The following BLTP1 variants were observed in gnomAD, a reference collection of about 807,000 sequenced individuals.
BLTP1 encodes the protein bridge-like lipid transfer protein family member 1.
the BLTP1 span, chr4:122,164,353 G>A: frequency 1.6e-5 from 15 of 942,314 alleles, no homozygotes; most frequent in Admixed American, 1.8e-4. Flanking sequence ...AATATTACAC[G>A]CCAGTTGTAA....
At chr4:122,268,969 G>T in the BLTP1 span, 4 of 234,092 alleles carry the variant, frequency 1.7e-5, no homozygotes, top group Non-Finnish European at 2.8e-5. Context: ...GTAAGTCTTT[G>T]TTACAAATTT....
At chr4:122,157,703 G>A in the BLTP1 span, among the ~76,000 whole-genome samples, 1 of 152,132 alleles carries the variant, frequency 6.6e-6, no homozygotes, top group Non-Finnish European at 1.5e-5. Context: ...AACTGGGGCT[G>A]GAAGGGTTTA....
At chr4:122,249,595 G>C in the BLTP1 span, 16 of 1,613,620 alleles carry the variant, frequency 9.9e-6, no homozygotes, top group Non-Finnish European at 9.3e-6. Flanking sequence ...TCAGCAAGCT[G>C]TTCCAGATGT....
At chr4:122,238,521 A>C in the BLTP1 span, among the ~76,000 whole-genome samples, 70 of 152,354 alleles carry the variant, frequency 4.6e-4, no homozygotes, top group African/African-American at 1.6e-3. Context: ...TATAAAAGTC[A>C]TACATACATA....
the BLTP1 span, among the ~76,000 whole-genome samples, chr4:122,273,808 G>C: frequency 7.2e-5 from 11 of 152,110 alleles, no homozygotes; most frequent in African/African-American, 2.6e-4. Flanking sequence ...ACATATGCCA[G>C]TTTACAATTT....
chr4:122,181,338 A>G, the BLTP1 span: 2 of 401,252 alleles, frequency 5.0e-6, no homozygotes, highest in African/African-American at 2.2e-5. Flanking sequence ...TTCCTGATAG[A>G]GCAATTCAAA....
chr4:122,165,375 A>G, the BLTP1 span, among the ~76,000 whole-genome samples: 1 of 151,294 alleles, frequency 6.6e-6, no homozygotes, highest in Non-Finnish European at 1.5e-5. Flanking sequence ...TTCCAGCTTC[A>G]TCCATGTCCC....
the BLTP1 span, among the ~76,000 whole-genome samples, chr4:122,330,100 C>T: frequency 2.0e-5 from 3 of 151,680 alleles, no homozygotes; most frequent in Non-Finnish European, 2.9e-5. Context: ...TGTATGTATG[C>T]ACCACATTTT....
At chr4:122,264,128 T>TA in the BLTP1 span, 1 of 1,259,508 alleles carries the variant, frequency 7.9e-7, no homozygotes, top group Non-Finnish European at 1.0e-6. Flanking sequence ...TTTTTTCTTT[T>TA]CAATTTAATC....
chr4:122,156,780 GGCAAAATAATTGGTGAA>G, the BLTP1 span, among the ~76,000 whole-genome samples: 1 of 152,106 alleles, frequency 6.6e-6, no homozygotes, highest in African/African-American at 2.4e-5. Context: ...AAAGGAATGA[GGCAAAATAATTGGTGAA>G]GCAAAGTCAC....
chr4:122,197,105 A>G, the BLTP1 span: 2 of 734,654 alleles, frequency 2.7e-6, no homozygotes, highest in Non-Finnish European at 4.2e-6. Flanking sequence ...CTTAACATCA[A>G]TAATTTCTTC....
chr4:122,254,597 C>A, the BLTP1 span: 1 of 907,074 alleles, frequency 1.1e-6, no homozygotes, highest in Non-Finnish European at 1.3e-6. Context: ...CTCTTTTTAT[C>A]TCTGACAGGC....
the BLTP1 span, chr4:122,192,165 C>G: frequency 3.9e-6 from 6 of 1,555,120 alleles, no homozygotes; most frequent in African/African-American, 2.7e-5. Flanking sequence ...AGCTACTGAT[C>G]TAAGGAAACT....
At chr4:122,322,408 T>C in the BLTP1 span, among the ~76,000 whole-genome samples, 1 of 146,056 alleles carries the variant, frequency 6.8e-6, no homozygotes, top group Admixed American at 6.9e-5. Flanking sequence ...CAACTTACAG[T>C]GTCCAGCTGA....
chr4:122,229,077 A>G, the BLTP1 span: 1 of 1,484,148 alleles, frequency 6.7e-7, no homozygotes, highest in South Asian at 1.4e-5. Context: ...CAAAATAATA[A>G]GTTGATGGTG....
the BLTP1 span, among the ~76,000 whole-genome samples, chr4:122,218,944 C>T: frequency 6.6e-6 from 1 of 152,174 alleles, no homozygotes; most frequent in Non-Finnish European, 1.5e-5. Flanking sequence ...TTTAGCCAGA[C>T]TGATTTTCAG....
chr4:122,247,455 A>G, the BLTP1 span: 8 of 1,364,284 alleles, frequency 5.9e-6, no homozygotes, highest in East Asian at 2.4e-5. Context: ...TATTGCTACA[A>G]TTCGGTATTC....
At chr4:122,175,234 T>C in the BLTP1 span, 6 of 984,924 alleles carry the variant, frequency 6.1e-6, no homozygotes, top group South Asian at 4.7e-5. Context: ...TTGGCAGTGC[T>C]CACACCTCAC....
the BLTP1 span, chr4:122,224,395 A>T: frequency 1.7e-6 from 2 of 1,197,388 alleles, no homozygotes; most frequent in East Asian, 2.5e-5. Context: ...TATAGATGGC[A>T]TGAGTTTATT....
Sources: gnomAD v4.1 joint callset for allele counts (sites outside exome capture counted in the v4.1 genomes callset) on GRCh38, gnomAD v4.1.1 for gene constraint, MANE v1.5 for transcripts, NCBI Gene and HGNC (gene_info 2026-07-23, HGNC 2026-07-21) for gene names.